COG7: variants seen among roughly 807,000 people sequenced by gnomAD.
COG7 encodes the protein component of oligomeric golgi complex 7.
Under a neutral mutation model 91.5 loss-of-function variants are expected in COG7, and 49 were observed. The observed-to-expected ratio is 0.54, with a 90% CI of 0.43 to 0.68. COG7 has a LOEUF of 0.68. COG7 is among the 30% of genes least tolerant of loss of function. The probability of loss-of-function intolerance (pLI) is 0.00; values close to 1 mark genes in which losing one functional copy is unlikely to be tolerated. For synonymous variants in COG7, 365 were observed against 388.7 expected, an observed-to-expected ratio of 0.94 and a Z score of 0.72; for missense variants, 895 against 961.3, an observed-to-expected ratio of 0.93 and a Z score of 0.91.
intron 8 of COG7, among the ~76,000 whole-genome samples, chr16:23,417,652 G>A (rs1234801227): frequency 6.6e-6 from 1 of 152,152 alleles, no homozygotes; most frequent in East Asian, 1.9e-4. Flanking sequence ...CCAACTACTG[G>A]GAAGCTGAGG....
At chr16:23,449,074 G>C (rs1291853125) in intron 1 of COG7, among the ~76,000 whole-genome samples, 1 of 152,092 alleles carries the variant, frequency 6.6e-6, no homozygotes, top group African/African-American at 2.4e-5. Context: ...AACTAAAAAA[G>C]CTCCCACAGC....
rs1187200913 is a variant in COG7, at chr16:23,452,957, A to T, written c.38T>A (p.Val13Glu). ...GAAGGCCGCATTGATCCACTCCTTC[A>T]CGTCGAAGTCGTCTGCCAGGAACTT... ...FSKFLADDFDVKEWINAAFRA... is the reference protein window; with the variant it reads ...FSKFLADDFDEKEWINAAFRA... The change falls in exon 1 of 17, where the codon GTG becomes GAG. Residue 13 changes from valine to glutamate, a missense_variant. Coordinates refer to ENST00000307149, the MANE Select transcript of COG7 (RefSeq NM_153603.4). 8 of 1,613,884 alleles carry T rather than the reference A, an allele frequency of 5.0e-6. No individual in the cohort carries two copies. The highest frequency in any genetic ancestry group is 3.3e-5 in the Admixed American group (2 of 60,002).
chr16:23,421,034 G>C (rs1234567392), intron 7 of COG7, among the ~76,000 whole-genome samples: 1 of 150,792 alleles, frequency 6.6e-6, no homozygotes, highest in Non-Finnish European at 1.5e-5. Context: ...ACAGGTGCGA[G>C]CCCCCATGCC....
chr16:23,429,489 G>A (rs1567342120), intron 6 of COG7, among the ~76,000 whole-genome samples: 1 of 152,136 alleles, frequency 6.6e-6, no homozygotes, highest in Admixed American at 6.6e-5. Context: ...CAGGCTGGGT[G>A]CAGTGGCTCA....
intron 7 of COG7, among the ~76,000 whole-genome samples, chr16:23,422,015 A>G (rs887141446): frequency 2.6e-5 from 4 of 152,202 alleles, no homozygotes; most frequent in African/African-American, 7.2e-5. Flanking sequence ...GTGATTAAAA[A>G]TGGTAGTAAA....
chr16:23,391,911 C>T, intron 16 of COG7: 2 of 824,178 alleles, frequency 2.4e-6, no homozygotes, highest in South Asian at 3.2e-5. Flanking sequence ...TGTTATGGAA[C>T]TGCCCTGGGC....
chr16:23,415,835 A>C (rs1190336569), intron 9 of COG7: 1 of 151,268 alleles, frequency 6.6e-6, no homozygotes, highest in Non-Finnish European at 1.5e-5. Flanking sequence ...CCTTCCCCAA[A>C]CCCTCCTCAC....
chr16:23,440,792 A>G (rs1021324719), intron 4 of COG7, among the ~76,000 whole-genome samples: 4 of 152,046 alleles, frequency 2.6e-5, no homozygotes, highest in Non-Finnish European at 4.4e-5. Flanking sequence ...ATAAGTAGAG[A>G]GTTTATTTGG....
At chr16:23,425,020 T>A in intron 6 of COG7, 73 bp from the exon 7 acceptor site, 1 of 1,332,956 alleles carries the variant, frequency 7.5e-7, no homozygotes, top group Non-Finnish European at 1.1e-6. Flanking sequence ...TAAAAAACTT[T>A]TTTGAGATGC....
At chr16:23,416,874 G>C (rs1042421121) in intron 9 of COG7, 93 bp downstream of exon 9, 70 of 1,438,650 alleles carry the variant, frequency 4.9e-5, no homozygotes, top group Non-Finnish European at 9.7e-6. Flanking sequence ...TGTTTCCCAG[G>C]GTTCAGAGAA....
chr16:23,392,210 A>C (rs921418662), intron 16 of COG7, 170 bp downstream of exon 16: 2 of 1,502,990 alleles, frequency 1.3e-6, no homozygotes, highest in Middle Eastern at 2.4e-4. Context: ...CTAAGTCAGA[A>C]TCTCTGGGGC....
chr16:23,447,750 A>C (rs1275994658), intron 1 of COG7, among the ~76,000 whole-genome samples: 1 of 151,492 alleles, frequency 6.6e-6, no homozygotes, highest in East Asian at 2.0e-4. Flanking sequence ...AAATACAAAA[A>C]TTAGCTGGGT....
chr16:23,389,485 C>T (rs1963154237), intron 16 of COG7, among the ~76,000 whole-genome samples: 2 of 151,850 alleles, frequency 1.3e-5, no homozygotes, highest in African/African-American at 4.8e-5. Context: ...ATGCACACAC[C>T]CGCCTTCAGC....
At position 23,416,858 on chromosome 16, in the gene COG7, T is replaced by A. The variant is rs1402898059; in HGVS notation, c.1292+109A>T. The A allele has an allele frequency of 1.2e-5, 15 of 1,271,724 alleles. No individual in the cohort carries two copies. In the Middle Eastern group the frequency reaches 8.0e-4, roughly 68 times the overall value. The allele number at this position is 1,271,724 out of a possible 1,614,324, so 78.8% of individuals were successfully genotyped here. On this transcript the variant is annotated intron_variant, in intron 9 of 16. Transcript: ENST00000307149. ...TTAACAACATCCTCTTGGGTTCAGG[T>A]GCAAGTGTTTCCCAGGGTTCAGAGA...
Position 23,392,369 on chromosome 16 carries a change from T to A in COG7, c.2146+11A>T. ...GCTGTCCCTCCCACCGCCTGTCTTG[T>A]GGGGACCCACCGATGTCAGTGGCCA... On this transcript the variant is annotated intron_variant, in intron 16 of 16. Transcript: ENST00000307149. 6.2e-7 allele frequency: 1 copy of A among 1,614,124 alleles called. No homozygotes were observed. The highest frequency in any genetic ancestry group is 8.5e-7 in the Non-Finnish European group (1 of 1,180,014).
chr16:23,445,747 G>C (rs567320327), intron 2 of COG7, 66 bp downstream of exon 2: 1 of 1,535,890 alleles, frequency 6.5e-7, no homozygotes, highest in Non-Finnish European at 9.0e-7. Context: ...AAGCCCTTAC[G>C]AGAGTGACCA....
intron 7 of COG7, among the ~76,000 whole-genome samples, chr16:23,423,348 G>C (rs1963791342): frequency 6.6e-6 from 1 of 152,178 alleles, no homozygotes; most frequent in African/African-American, 2.4e-5. Flanking sequence ...GCCTGGGCGA[G>C]AGTGAGACTC....
At chr16:23,433,788 A>G in intron 5 of COG7, 121 bp from the exon 6 acceptor site, 1 of 1,083,514 alleles carries the variant, frequency 9.2e-7, no homozygotes, top group South Asian at 1.3e-5. Context: ...TGGGCAGCCC[A>G]GTGAGGTCCA....
At position 23,394,502 on chromosome 16, in the gene COG7, CTGT is replaced by C. The variant is rs1402207463; in HGVS notation, c.1888-1158_1888-1156del. Among the ~76,000 whole-genome samples, 14 of 151,652 alleles carry C rather than the reference CTGT, an allele frequency of 9.2e-5. No individual in the cohort carries two copies. In the South Asian group the frequency reaches 1.0e-3, roughly 11 times the overall value. The stretch of plus-strand genomic sequence containing the variant: ...ATATGTTTTTAAAAGGTCTTTCTGC[CTGT>C]TGTTGTTTTTTTTTTCTTCCTGCTA... On this transcript the variant is annotated intron_variant, in intron 14 of 16. Coordinates refer to ENST00000307149, the MANE Select transcript of COG7 (RefSeq NM_153603.4).
Sources: gnomAD v4.1 joint callset for allele counts (sites outside exome capture counted in the v4.1 genomes callset) on GRCh38, gnomAD v4.1.1 for gene constraint, MANE v1.5 for transcripts, NCBI Gene and HGNC (gene_info 2026-07-23, HGNC 2026-07-21) for gene names.